The following ADAMTS12 variants were observed in gnomAD, a reference collection of about 807,000 sequenced individuals.
ADAMTS12 encodes the protein ADAM metallopeptidase with thrombospondin type 1 motif 12.
In ADAMTS12, 118 loss-of-function variants were observed where a neutral mutation model predicts 167.8. That is an observed-to-expected ratio of 0.70 (90% confidence interval 0.61 to 0.82). The LOEUF is 0.82. Ranked by LOEUF, ADAMTS12 falls within the 40% of genes least tolerant of loss-of-function variation. ADAMTS12 has a pLI of 0.00. For synonymous variants in ADAMTS12, 704 were observed against 716.9 expected (o/e 0.98, Z 0.29); for missense variants, 1,916 against 1,998.8 (o/e 0.96, Z 0.79).
intron 2 of ADAMTS12, among the ~76,000 whole-genome samples, chr5:33,861,373 C>T (rs1183502885): frequency 6.6e-6 from 1 of 152,006 alleles, no homozygotes; most frequent in Middle Eastern, 3.2e-3. Flanking sequence ...GCAGGGTTTG[C>T]AATACTAGTT....
At position 33,537,481 on chromosome 5, in the gene ADAMTS12, G is replaced by A. The variant is rs550038144; in HGVS notation, c.4447-2489C>T. On this transcript the variant is annotated intron_variant, in intron 22 of 23. Coordinates refer to ENST00000504830, the MANE Select transcript of ADAMTS12 (RefSeq NM_030955.4). ...TTTAAAATATTGGCAAGAAACTGAG[G>A]CTGAGGCTTGTGTCAAGGTGACCTG... 1.6e-4 allele frequency among the ~76,000 whole-genome samples: 24 copies of A among 152,300 alleles called. No individual in the cohort carries two copies. The South Asian group carries it at 4.6e-3, about 29-fold the overall frequency.
intron 2 of ADAMTS12, among the ~76,000 whole-genome samples, chr5:33,779,340 C>T (rs1224028901): frequency 6.6e-6 from 1 of 152,062 alleles, no homozygotes; most frequent in Non-Finnish European, 1.5e-5. Context: ...TGCCTGCCAC[C>T]ATGCCCAGCT....
chr5:33,645,018 C>T (rs906942835), intron 9 of ADAMTS12, among the ~76,000 whole-genome samples: 1 of 152,112 alleles, frequency 6.6e-6, no homozygotes, highest in Non-Finnish European at 1.5e-5. Flanking sequence ...GCGTAAGCCA[C>T]CGTACCCGGC....
At chr5:33,763,297 A>G (rs1290032922) in intron 2 of ADAMTS12, among the ~76,000 whole-genome samples, 1 of 152,166 alleles carries the variant, frequency 6.6e-6, no homozygotes, top group Non-Finnish European at 1.5e-5. Context: ...GGCCCTTATA[A>G]GAGGAAGGCA....
At chr5:33,765,773 A>T (rs1745509786) in intron 2 of ADAMTS12, among the ~76,000 whole-genome samples, 1 of 152,122 alleles carries the variant, frequency 6.6e-6, no homozygotes, top group Non-Finnish European at 1.5e-5. Flanking sequence ...CAATTTCTAA[A>T]TTTTTTACAA....
At chr5:33,737,442 G>A (rs1047929020) in intron 3 of ADAMTS12, among the ~76,000 whole-genome samples, 12 of 152,200 alleles carry the variant, frequency 7.9e-5, no homozygotes, top group African/African-American at 2.4e-4. Flanking sequence ...ACGGGGAGTT[G>A]TCTGATAGGT....
rs1470436898 is a variant in ADAMTS12 at position 33,846,157 on chromosome 5, AAT to A, written c.489+34960_489+34961del. Among the ~76,000 whole-genome samples, 9 of 152,318 alleles carry A rather than the reference AAT, an allele frequency of 5.9e-5. 1 individual carries two copies. The South Asian group carries it at 1.2e-3, about 21-fold the overall frequency. ...ACCCAAACTGAGGGACATCCTACAA[AAT>A]AACTGGTCTATAATCTTCGAAAGTG... On this transcript the variant is annotated intron_variant, in intron 2 of 23. Coordinates refer to ENST00000504830, the MANE Select transcript of ADAMTS12 (RefSeq NM_030955.4).
At chr5:33,688,553 G>T (rs1425854841) in intron 3 of ADAMTS12, among the ~76,000 whole-genome samples, 2 of 152,146 alleles carry the variant, frequency 1.3e-5, no homozygotes, top group African/African-American at 4.8e-5. Flanking sequence ...TTTGCAGATG[G>T]CAGAGCCCTC....
rs1407915901 is a variant in ADAMTS12 at position 33,616,032 on chromosome 5, G to A, written c.2184C>T (p.Asp728=). ...DIGLIPKGAR[D]IRVMEIEGAG... is the part of the protein sequence containing the mutation. ...CTCCCTCAATTTCCATCACTCTTAT[G>A]TCCCTTGCTCCTTTTGGAATGAGCC... The change falls in exon 15 of 24, where the codon GAC becomes GAT. Residue 728 remains aspartate, a synonymous_variant. Coordinates refer to ENST00000504830, the MANE Select transcript of ADAMTS12 (RefSeq NM_030955.4). 6.2e-7 allele frequency: 1 copy of A among 1,613,942 alleles called. No homozygotes were observed. The highest frequency in any genetic ancestry group is 8.5e-7 in the Non-Finnish European group (1 of 1,180,000).
intron 22 of ADAMTS12, among the ~76,000 whole-genome samples, chr5:33,540,679 C>A (rs1432709033): frequency 6.6e-6 from 1 of 152,204 alleles, no homozygotes; most frequent in Non-Finnish European, 1.5e-5. Flanking sequence ...GCTGGTGATA[C>A]CCAGGCAAAC....
intron 3 of ADAMTS12, among the ~76,000 whole-genome samples, chr5:33,686,936 T>TATATAGAGAG (rs70964412): frequency 5.5e-5 from 8 of 145,640 alleles, no homozygotes; most frequent in African/African-American, 2.0e-4. Flanking sequence ...TATATATATA[T>TATATAGAGAG]AGAGAGAGAG....
chr5:33,822,515 C>T (rs1747904874), intron 2 of ADAMTS12, among the ~76,000 whole-genome samples: 2 of 152,110 alleles, frequency 1.3e-5, no homozygotes, highest in Non-Finnish European at 2.9e-5. Context: ...TCCTTAATTA[C>T]CAATAAAAAG....
At chr5:33,595,164 T>C (rs1747856265) in intron 17 of ADAMTS12, among the ~76,000 whole-genome samples, 1 of 152,064 alleles carries the variant, frequency 6.6e-6, no homozygotes, top group South Asian at 2.1e-4. Context: ...TTCTTTTTTT[T>C]CTCTCTCTTT....
chr5:33,594,674 G>A (rs112082328), intron 17 of ADAMTS12, among the ~76,000 whole-genome samples: 1 of 152,150 alleles, frequency 6.6e-6, no homozygotes, highest in African/African-American at 2.4e-5. Flanking sequence ...GCTACAGCAC[G>A]GAGAGGCAAT....
At chr5:33,565,921 T>A (rs1194405859) in intron 19 of ADAMTS12, among the ~76,000 whole-genome samples, 1 of 152,222 alleles carries the variant, frequency 6.6e-6, no homozygotes. Context: ...AATTAACATG[T>A]ATTAAATATT....
At chr5:33,724,416 T>TTTC (rs1438221508) in intron 3 of ADAMTS12, among the ~76,000 whole-genome samples, 4 of 152,080 alleles carry the variant, frequency 2.6e-5, no homozygotes, top group Admixed American at 6.6e-5. Flanking sequence ...CAGACATACT[T>TTTC]TTCTGTCCAT....
At chr5:33,793,850 T>A (rs1348239583) in intron 2 of ADAMTS12, among the ~76,000 whole-genome samples, 2 of 152,150 alleles carry the variant, frequency 1.3e-5, no homozygotes, top group African/African-American at 4.8e-5. Context: ...TCCTCCCAGC[T>A]GTGAGAGAAA....
At chr5:33,666,823 AT>A in intron 5 of ADAMTS12, among the ~76,000 whole-genome samples, 1 of 152,294 alleles carries the variant, frequency 6.6e-6, no homozygotes, top group South Asian at 2.1e-4. Context: ...ATATGCTTAA[AT>A]TATTGCTATT....
chr5:33,618,324 G>A (rs78053253), intron 14 of ADAMTS12, among the ~76,000 whole-genome samples: 4,523 of 152,284 alleles, frequency 0.03, 237 homozygotes, highest in African/African-American at 0.1. Flanking sequence ...GGTGGAGGAA[G>A]TGGAGATGGA....
Sources: allele counts gnomAD v4.1 joint callset (sites outside exome capture counted in the v4.1 genomes callset), GRCh38; gene constraint gnomAD v4.1.1; transcripts MANE v1.5; gene names NCBI Gene and HGNC (gene_info 2026-07-23, HGNC 2026-07-21).